The following ANKS1B variants were observed in gnomAD, a reference collection of about 807,000 sequenced individuals.
ANKS1B encodes the protein ankyrin repeat and sterile alpha motif domain-containing protein 1B.
In ANKS1B, 36 loss-of-function variants were observed where a neutral mutation model predicts 148.3. The ratio of observed to expected loss-of-function variants is 0.24; its 90% CI spans 0.19 to 0.32. The LOEUF is 0.32. ANKS1B is among the 10% of genes least tolerant of loss of function. The pLI, the probability that ANKS1B is intolerant of heterozygous loss-of-function variation, is 1.00. For synonymous variants in ANKS1B, 542 were observed against 560.8 expected, an observed-to-expected ratio of 0.97 and a Z score of 0.47; for missense variants, 1,157 against 1,542.6, an observed-to-expected ratio of 0.75 and a Z score of 4.19.
At chr12:99,481,680 C>CCCCA (rs1268498925) in intron 10 of ANKS1B, among the ~76,000 whole-genome samples, 1 of 151,972 alleles carries the variant, frequency 6.6e-6, no homozygotes, top group African/African-American at 2.4e-5. Flanking sequence ...GTTCCCCTTT[C>CCCCA]CCCACATCCA....
At chr12:98,794,392 CAAAAAAAAAAAAAAA>C (rs571692746) in intron 22 of ANKS1B, 1,056 of 84,178 alleles carry the variant, frequency 0.013, 31 homozygotes, top group East Asian at 0.11. Context: ...AACTCTGTCT[CAAAAAAAAAAAAAAA>C]AAAAAAAAAA....
intron 9 of ANKS1B, among the ~76,000 whole-genome samples, chr12:99,642,687 C>A (rs551810809): frequency 6.6e-6 from 1 of 152,120 alleles, no homozygotes; most frequent in Non-Finnish European, 1.5e-5. Context: ...CGTGGTGATG[C>A]ATGCCTGTAA....
At chr12:99,295,615 GTTTTAT>G (rs1352199343) in intron 12 of ANKS1B, among the ~76,000 whole-genome samples, 3 of 152,084 alleles carry the variant, frequency 2.0e-5, no homozygotes, top group Non-Finnish European at 1.5e-5. Context: ...TTCTTTTAAA[GTTTTAT>G]TTTAAGTCCA....
At chr12:99,322,809 A>G (rs2085549584) in intron 12 of ANKS1B, among the ~76,000 whole-genome samples, 1 of 152,214 alleles carries the variant, frequency 6.6e-6, no homozygotes, top group South Asian at 2.1e-4. Flanking sequence ...AGTGGAAGAT[A>G]ACTGAATCAT....
At chr12:99,429,843 G>A (rs2095334741) in intron 11 of ANKS1B, among the ~76,000 whole-genome samples, 1 of 151,954 alleles carries the variant, frequency 6.6e-6, no homozygotes, top group Non-Finnish European at 1.5e-5. Context: ...AGGCGCCTGT[G>A]GTCCCAGCTA....
At chr12:99,004,858 C>T (rs1248926283) in intron 17 of ANKS1B, among the ~76,000 whole-genome samples, 1 of 152,010 alleles carries the variant, frequency 6.6e-6, no homozygotes, top group Non-Finnish European at 1.5e-5. Flanking sequence ...CCATCTCATC[C>T]TTAAAACTGA....
intron 12 of ANKS1B, among the ~76,000 whole-genome samples, chr12:99,296,092 A>G (rs948108191): frequency 3.9e-5 from 6 of 152,142 alleles, no homozygotes; most frequent in African/African-American, 1.4e-4. Context: ...TTTGTGGAAA[A>G]GACTTTCCTT....
intron 14 of ANKS1B, among the ~76,000 whole-genome samples, chr12:99,161,250 C>T (rs975893981): frequency 6.6e-6 from 1 of 152,234 alleles, no homozygotes; most frequent in African/African-American, 2.4e-5. Flanking sequence ...TTATCAAAAT[C>T]AATGGAGGTT....
intron 5 of ANKS1B, among the ~76,000 whole-genome samples, chr12:99,780,564 G>C (rs1481484825): frequency 6.6e-6 from 1 of 151,980 alleles, no homozygotes; most frequent in Non-Finnish European, 1.5e-5. Context: ...TTACAGGCTT[G>C]AGCCACCACG....
At chr12:99,891,892 T>C (rs1236303874) in intron 1 of ANKS1B, among the ~76,000 whole-genome samples, 1 of 151,990 alleles carries the variant, frequency 6.6e-6, no homozygotes, top group African/African-American at 2.4e-5. Flanking sequence ...CCAGAGGAGG[T>C]AGGGGAATTT....
At chr12:99,584,096 AAAGGTAGGCAGAG>A (rs993536883) in intron 9 of ANKS1B, among the ~76,000 whole-genome samples, 12 of 152,234 alleles carry the variant, frequency 7.9e-5, no homozygotes, top group Non-Finnish European at 1.5e-4. Flanking sequence ...GACAATGTAA[AAAGGTAGGCAGAG>A]AAGGAGATAA....
At chr12:99,426,762 C>T (rs1433325192) in intron 11 of ANKS1B, among the ~76,000 whole-genome samples, 1 of 151,982 alleles carries the variant, frequency 6.6e-6, no homozygotes, top group Non-Finnish European at 1.5e-5. Flanking sequence ...GGCTAGAGAC[C>T]CTTATATTTA....
At chr12:99,923,546 A>G (rs2094415364) in intron 1 of ANKS1B, among the ~76,000 whole-genome samples, 1 of 152,182 alleles carries the variant, frequency 6.6e-6, no homozygotes, top group South Asian at 2.1e-4. Context: ...GTAAGGAGTA[A>G]TCCAGGAGGT....
chr12:99,147,822 C>T (rs763992764), intron 15 of ANKS1B, among the ~76,000 whole-genome samples: 1 of 151,932 alleles, frequency 6.6e-6, no homozygotes. Context: ...GGGGAGTATA[C>T]TGTCATGGAA....
intron 10 of ANKS1B, among the ~76,000 whole-genome samples, chr12:99,490,110 T>C (rs1446404593): frequency 6.6e-6 from 1 of 152,222 alleles, no homozygotes; most frequent in Non-Finnish European, 1.5e-5. Context: ...CTATGTTTAA[T>C]ATGTCTTTGT....
At chr12:99,908,688 T>C (rs1211890660) in intron 1 of ANKS1B, among the ~76,000 whole-genome samples, 1 of 152,236 alleles carries the variant, frequency 6.6e-6, no homozygotes, top group Non-Finnish European at 1.5e-5. Flanking sequence ...AGGAATCTCC[T>C]AGTTTCCCTA....
chr12:99,914,175 G>C (rs550126773), intron 1 of ANKS1B, among the ~76,000 whole-genome samples: 26 of 152,276 alleles, frequency 1.7e-4, no homozygotes, highest in Admixed American at 3.3e-4. Context: ...ACCCTAATAA[G>C]ACTGTTGGTA....
rs933168531 is a variant in ANKS1B at position 98,744,726 on chromosome 12, A to G, written c.*1013T>C. On this transcript the variant is annotated 3_prime_UTR_variant, in exon 27 of 27. Transcript: ENST00000683438. ...TTTTCTAGAAAAAGAAATTTTTGCAATAGAATTTTATTAACACCTTTCTCA... is the reference window on the plus strand; with the variant it reads ...TTTTCTAGAAAAAGAAATTTTTGCAGTAGAATTTTATTAACACCTTTCTCA... 1 of 982,538 alleles carries G rather than the reference A, an allele frequency of 1.0e-6. No individual in the cohort carries two copies. The highest frequency in any genetic ancestry group is 6.2e-5 in the Admixed American group (1 of 16,194). The allele number at this position is 982,538 out of a possible 1,614,324, so 60.9% of individuals were successfully genotyped here.
At chr12:99,557,818 G>A (rs892216854) in intron 9 of ANKS1B, among the ~76,000 whole-genome samples, 17 of 152,148 alleles carry the variant, frequency 1.1e-4, no homozygotes, top group African/African-American at 2.4e-4. Flanking sequence ...TGAAGAAGCC[G>A]TCTTTTAGAT....
Sources: allele counts gnomAD v4.1 joint callset (sites outside exome capture counted in the v4.1 genomes callset), GRCh38; gene constraint gnomAD v4.1.1; transcripts MANE v1.5; gene names NCBI Gene and HGNC (gene_info 2026-07-23, HGNC 2026-07-21).